PTPN9: variants seen among roughly 807,000 people sequenced by gnomAD.
PTPN9 encodes tyrosine-protein phosphatase non-receptor type 9.
In PTPN9, 26 loss-of-function variants were observed where a neutral mutation model predicts 69.8. The observed-to-expected ratio is 0.37, with a 90% CI of 0.27 to 0.52. PTPN9 has a LOEUF of 0.52. Ranked by LOEUF, PTPN9 falls within the 20% of genes least tolerant of loss-of-function variation. The pLI, the probability that PTPN9 is intolerant of heterozygous loss-of-function variation, is 0.91. For missense variants in PTPN9, 549 were observed against 740.3 expected, an observed-to-expected ratio of 0.74 and a Z score of 3.00; for synonymous variants, 274 against 272.5, an observed-to-expected ratio of 1.01 and a Z score of -0.05.
Position 75,492,355 on chromosome 15 carries a change from T to C in PTPN9, c.969-2054A>G, listed in dbSNP as rs373878984. On this transcript the variant is annotated intron_variant, in intron 7 of 12. Transcript: ENST00000618819. Reference sequence around the variant, plus strand: ...CAGAGAAAAAGCAGATAGGAGGATTTTGGCTGACGTGGCCAGACACAGAAG... The same window carrying C: ...CAGAGAAAAAGCAGATAGGAGGATTCTGGCTGACGTGGCCAGACACAGAAG... Among the ~76,000 whole-genome samples the C allele has an allele frequency of 1.5e-4, 23 of 152,256 alleles. No individual in the cohort carries two copies. In the East Asian group the frequency reaches 4.0e-3, roughly 27 times the overall value.
chr15:75,557,277 T>C (rs2075081931), intron 1 of PTPN9, among the ~76,000 whole-genome samples: 2 of 151,960 alleles, frequency 1.3e-5, no homozygotes, highest in Non-Finnish European at 2.9e-5. Context: ...ATACAAAAAT[T>C]AGCTGGGTGT....
chr15:75,473,871 G>A, intron 9 of PTPN9, 104 bp from the exon 10 acceptor site: 2 of 837,168 alleles, frequency 2.4e-6, no homozygotes, highest in Non-Finnish European at 4.0e-6. Flanking sequence ...AACCATAGAT[G>A]GTTAGCTCCC....
intron 1 of PTPN9, among the ~76,000 whole-genome samples, chr15:75,552,941 GGC>G (rs943436698): frequency 1.3e-5 from 2 of 151,690 alleles, no homozygotes; most frequent in African/African-American, 4.8e-5. Flanking sequence ...TGGTGCAATG[GGC>G]TAGAATGGTA....
intron 9 of PTPN9, among the ~76,000 whole-genome samples, chr15:75,475,070 T>C (rs182033017): frequency 6.6e-6 from 1 of 152,338 alleles, no homozygotes; most frequent in East Asian, 1.9e-4. Flanking sequence ...GCTGGATCTA[T>C]ACAGGTTGAC....
intron 5 of PTPN9, among the ~76,000 whole-genome samples, chr15:75,511,870 A>ATTTTTTTTT (rs11322621): frequency 6.9e-6 from 1 of 145,116 alleles, no homozygotes. Flanking sequence ...TCACTTTAAT[A>ATTTTTTTTT]TTTTTTTTTT....
At chr15:75,500,533 C>T (rs1048241328) in intron 7 of PTPN9, among the ~76,000 whole-genome samples, 5 of 151,972 alleles carry the variant, frequency 3.3e-5, no homozygotes, top group African/African-American at 1.2e-4. Flanking sequence ...GTGAGACTGT[C>T]TCAACAACAA....
intron 9 of PTPN9, among the ~76,000 whole-genome samples, chr15:75,474,401 C>A (rs1410534838): frequency 6.6e-6 from 1 of 151,994 alleles, no homozygotes. Context: ...TGCCTGTAGT[C>A]TCAGGTACTT....
intron 4 of PTPN9, among the ~76,000 whole-genome samples, chr15:75,518,873 T>G (rs956105205): frequency 6.6e-6 from 1 of 151,972 alleles, no homozygotes; most frequent in African/African-American, 2.4e-5. Flanking sequence ...TGAGGAACAT[T>G]TGAAGATACA....
intron 1 of PTPN9, among the ~76,000 whole-genome samples, chr15:75,540,560 A>G (rs2075004012): frequency 3.1e-5 from 1 of 32,698 alleles, no homozygotes; most frequent in Non-Finnish European, 5.7e-5. Context: ...AAAAAAAAAA[A>G]AAGAAAGAAA....
chr15:75,505,350 A>G (rs1413834793), intron 7 of PTPN9, among the ~76,000 whole-genome samples: 5 of 149,576 alleles, frequency 3.3e-5, no homozygotes, highest in African/African-American at 9.9e-5. Context: ...TGCCTAGGAA[A>G]ACCAGAGACC....
chr15:75,479,337 A>G (rs2074614971), intron 9 of PTPN9, among the ~76,000 whole-genome samples: 2 of 152,164 alleles, frequency 1.3e-5, no homozygotes, highest in Non-Finnish European at 1.5e-5. Flanking sequence ...AAATCCTCCT[A>G]GAGCTCAGTA....
intron 1 of PTPN9, among the ~76,000 whole-genome samples, chr15:75,563,434 T>C (rs2075113233): frequency 6.6e-6 from 1 of 152,236 alleles, no homozygotes; most frequent in Non-Finnish European, 1.5e-5. Flanking sequence ...GGGATCCATC[T>C]GCCTCAGCCT....
intron 8 of PTPN9, among the ~76,000 whole-genome samples, chr15:75,483,257 T>G (rs1029184020): frequency 1.3e-5 from 2 of 152,188 alleles, no homozygotes; most frequent in African/African-American, 4.8e-5. Flanking sequence ...ATACAAAAAC[T>G]TATACATAAA....
intron 2 of PTPN9, among the ~76,000 whole-genome samples, chr15:75,524,777 C>CAAAAAAAAAAAAAAAAAAAAAAAA (rs10699634): frequency 1.4e-5 from 1 of 72,940 alleles, no homozygotes; most frequent in Non-Finnish European, 2.2e-5. Flanking sequence ...GACTCTGTCT[C>CAAAAAAAAAAAAAAAAAAAAAAAA]AAAAAAAAAA....
intron 8 of PTPN9, among the ~76,000 whole-genome samples, chr15:75,486,161 A>T (rs1183776767): frequency 6.6e-6 from 1 of 152,094 alleles, no homozygotes; most frequent in Non-Finnish European, 1.5e-5. Flanking sequence ...CTTGGGGGAA[A>T]ATTGGAATAG....
At chr15:75,476,295 A>G (rs1389862098) in intron 9 of PTPN9, among the ~76,000 whole-genome samples, 5 of 152,212 alleles carry the variant, frequency 3.3e-5, no homozygotes, top group African/African-American at 1.2e-4. Context: ...TAGAAAGAGC[A>G]CATTTGGTTA....
intron 1 of PTPN9, among the ~76,000 whole-genome samples, chr15:75,569,250 TG>T (rs1234025189): frequency 3.3e-5 from 5 of 152,268 alleles, no homozygotes; most frequent in Non-Finnish European, 7.4e-5. Flanking sequence ...GGCACTGCAA[TG>T]GACCAGCCAC....
intron 1 of PTPN9, among the ~76,000 whole-genome samples, chr15:75,549,988 CA>C (rs74693829): frequency 8.3e-5 from 12 of 144,160 alleles, no homozygotes; most frequent in African/African-American, 1.5e-4. Flanking sequence ...CCACCCCCAC[CA>C]AAAAAAAAAC....
In PTPN9 at chr15:75,515,345, T is replaced by A. The variant is rs112060394; in HGVS notation, c.528+1914A>T. 5.9e-3 allele frequency among the ~76,000 whole-genome samples: 847 copies of A among 143,196 alleles called. 7 individuals carry two copies. The highest frequency in any genetic ancestry group is 0.021 in the African/African-American group (789 of 37,770). The allele number at this position is 143,196 out of a possible 152,430, so 93.9% of individuals were successfully genotyped here. ...TGGAGGCTGAGGCAGGAGAACGGCG[T>A]GAACCTGGGAGGCGGAGCTTGCAGT... On this transcript the variant is annotated intron_variant, in intron 5 of 12. Coordinates refer to ENST00000618819, the MANE Select transcript of PTPN9 (RefSeq NM_002833.4).
Sources: gnomAD v4.1 joint callset for allele counts (sites outside exome capture counted in the v4.1 genomes callset) on GRCh38, gnomAD v4.1.1 for gene constraint, MANE v1.5 for transcripts, NCBI Gene and HGNC (gene_info 2026-07-23, HGNC 2026-07-21) for gene names.